PTPRT: variants seen among roughly 807,000 people sequenced by gnomAD.
PTPRT encodes protein tyrosine phosphatase receptor type T, also known as receptor-type tyrosine-protein phosphatase T.
In PTPRT, 56 loss-of-function variants were observed where a neutral mutation model predicts 176.8. The observed-to-expected ratio is 0.32, with a 90% CI of 0.26 to 0.40. The LOEUF (loss-of-function observed/expected upper bound fraction) is 0.40. Ranked by LOEUF, PTPRT falls within the 10% of genes least tolerant of loss-of-function variation. The pLI is 1.00. For missense variants in PTPRT, 1,540 were observed against 1,908.2 expected, an observed-to-expected ratio of 0.81 and a Z score of 3.60; for synonymous variants, 783 against 739.0, an observed-to-expected ratio of 1.06 and a Z score of -0.96.
chr20:42,806,085 C>T (rs1057407162), intron 2 of PTPRT, among the ~76,000 whole-genome samples: 2 of 151,844 alleles, frequency 1.3e-5, no homozygotes, highest in Middle Eastern at 3.4e-3. Context: ...GGAGCCACAC[C>T]CCTGCAGTCA....
chr20:42,654,488 C>A (rs2145979624), intron 7 of PTPRT, among the ~76,000 whole-genome samples: 1 of 152,266 alleles, frequency 6.6e-6, no homozygotes, highest in South Asian at 2.1e-4. Context: ...CCCCCAGAAC[C>A]CACTCATTGA....
chr20:42,503,066 G>A (rs1429397535), intron 7 of PTPRT, among the ~76,000 whole-genome samples: 1 of 151,804 alleles, frequency 6.6e-6, no homozygotes, highest in Non-Finnish European at 1.5e-5. Flanking sequence ...AACAATTTTT[G>A]TTTGTGCCAA....
intron 1 of PTPRT, among the ~76,000 whole-genome samples, chr20:43,128,992 G>C (rs2013551393): frequency 6.6e-6 from 1 of 152,186 alleles, no homozygotes; most frequent in Non-Finnish European, 1.5e-5. Flanking sequence ...GTGTATATAT[G>C]TTTTCTATCC....
chr20:42,481,980 C>T (rs368197660), intron 7 of PTPRT, among the ~76,000 whole-genome samples: 4 of 151,970 alleles, frequency 2.6e-5, no homozygotes, highest in Non-Finnish European at 5.9e-5. Flanking sequence ...AATAGCTTGA[C>T]CAATACAACT....
chr20:42,339,691 C>T (rs527536726), intron 11 of PTPRT, among the ~76,000 whole-genome samples: 9 of 152,142 alleles, frequency 5.9e-5, no homozygotes, highest in Non-Finnish European at 1.2e-4. Flanking sequence ...ATCCTATAGT[C>T]CTTGGGGACA....
At chr20:42,100,075 G>A (rs1166796005) in intron 26 of PTPRT, among the ~76,000 whole-genome samples, 1 of 152,148 alleles carries the variant, frequency 6.6e-6, no homozygotes, top group Non-Finnish European at 1.5e-5. Context: ...CTGACCCCGA[G>A]GACCTCATCA....
chr20:42,245,557 T>C (rs112113648), intron 14 of PTPRT, among the ~76,000 whole-genome samples: 6,508 of 152,256 alleles, frequency 0.043, 437 homozygotes, highest in African/African-American at 0.15. Flanking sequence ...TTTTCCCTCC[T>C]CTATTTTGTA....
chr20:43,075,144 G>T (rs1460397813), intron 1 of PTPRT, among the ~76,000 whole-genome samples: 2 of 152,210 alleles, frequency 1.3e-5, no homozygotes, highest in African/African-American at 4.8e-5. Context: ...AGATGTATCT[G>T]CATCAAAAGA....
At chr20:43,012,505 C>CGG (rs934691350) in intron 1 of PTPRT, among the ~76,000 whole-genome samples, 5 of 152,014 alleles carry the variant, frequency 3.3e-5, no homozygotes, top group African/African-American at 7.3e-5. Flanking sequence ...AGATAGATAT[C>CGG]GGGGGTGGTT....
intron 1 of PTPRT, among the ~76,000 whole-genome samples, chr20:43,032,051 C>T (rs1202573825): frequency 6.6e-6 from 1 of 152,184 alleles, no homozygotes. Flanking sequence ...AGGCACCACG[C>T]ATGACTATGA....
chr20:42,450,507 C>T (rs900073105), intron 8 of PTPRT, among the ~76,000 whole-genome samples: 11 of 152,168 alleles, frequency 7.2e-5, no homozygotes, highest in East Asian at 1.9e-4. Flanking sequence ...ATTATCTATA[C>T]CTTGTGCTCA....
chr20:42,635,601 G>T (rs1169888401), intron 7 of PTPRT, among the ~76,000 whole-genome samples: 1 of 152,118 alleles, frequency 6.6e-6, no homozygotes, highest in Admixed American at 6.5e-5. Context: ...TCACAGATAT[G>T]TGTAGTAATA....
chr20:42,263,673 C>A (rs527729850), intron 13 of PTPRT, among the ~76,000 whole-genome samples: 5 of 147,854 alleles, frequency 3.4e-5, no homozygotes, highest in Admixed American at 3.3e-4. Context: ...GCCACTGCGC[C>A]GGGCCTTTTT....
chr20:42,457,874 C>T (rs569138108), intron 8 of PTPRT, among the ~76,000 whole-genome samples: 1 of 152,252 alleles, frequency 6.6e-6, no homozygotes, highest in Admixed American at 6.5e-5. Flanking sequence ...TTGCCATATG[C>T]CCTGGACGTA....
At chr20:42,938,026 G>T (rs1463577853) in intron 1 of PTPRT, among the ~76,000 whole-genome samples, 2 of 152,088 alleles carry the variant, frequency 1.3e-5, no homozygotes, top group African/African-American at 4.8e-5. Flanking sequence ...ATGTGTTAAA[G>T]ATTTTATCAT....
chr20:42,306,502 A>AG (rs1246285126), intron 12 of PTPRT, among the ~76,000 whole-genome samples: 4 of 152,218 alleles, frequency 2.6e-5, no homozygotes, highest in Admixed American at 2.6e-4. Context: ...AGTAATGGAA[A>AG]GGTTGTGATG....
chr20:42,715,342 C>T (rs2076207362), intron 6 of PTPRT, among the ~76,000 whole-genome samples: 1 of 151,994 alleles, frequency 6.6e-6, no homozygotes, highest in African/African-American at 2.4e-5. Context: ...CAAGATAATT[C>T]AGATGTTAGA....
intron 2 of PTPRT, among the ~76,000 whole-genome samples, chr20:42,801,335 T>C (rs1370037495): frequency 6.6e-6 from 1 of 152,018 alleles, no homozygotes; most frequent in Non-Finnish European, 1.5e-5. Flanking sequence ...GCCCCTCAAA[T>C]CCTCAACTAC....
At chr20:42,733,169 C>A (rs1247541307) in intron 6 of PTPRT, among the ~76,000 whole-genome samples, 2 of 152,178 alleles carry the variant, frequency 1.3e-5, no homozygotes, top group Non-Finnish European at 1.5e-5. Context: ...ACCTGCCCTG[C>A]AGATGACGTG....
Sources: allele counts gnomAD v4.1 joint callset (sites outside exome capture counted in the v4.1 genomes callset), GRCh38; gene constraint gnomAD v4.1.1; transcripts MANE v1.5; gene names NCBI Gene and HGNC (gene_info 2026-07-23, HGNC 2026-07-21).